The following SMAD1 variants were observed in gnomAD, a reference collection of about 807,000 sequenced individuals.
The protein encoded by SMAD1 is MAD, mothers against decapentaplegic homolog 1.
SMAD1 carries 6 observed loss-of-function variants against 41.6 expected under a neutral mutation model. The observed-to-expected ratio is 0.14, with a 90% CI of 0.08 to 0.28. The LOEUF is 0.28. SMAD1 is among the 10% of genes least tolerant of loss of function. The pLI, the probability that SMAD1 is intolerant of heterozygous loss-of-function variation, is 1.00. For synonymous variants in SMAD1, 206 were observed against 203.2 expected (o/e 1.01, Z -0.12); for missense variants, 379 against 582.6 (o/e 0.65, Z 3.60).
At chr4:145,529,419 G>A (rs1458288867) in intron 2 of SMAD1, among the ~76,000 whole-genome samples, 1 of 152,210 alleles carries the variant, frequency 6.6e-6, no homozygotes, top group African/African-American at 2.4e-5. Context: ...ACAAACTGCT[G>A]TGTGCCACCA....
chr4:145,483,630 C>T (rs1451895156), intron 1 of SMAD1, among the ~76,000 whole-genome samples: 1 of 152,214 alleles, frequency 6.6e-6, no homozygotes, highest in African/African-American at 2.4e-5. Flanking sequence ...CTCCCACTCT[C>T]TTTCCCATTT....
chr4:145,495,994 A>G (rs527890930), intron 1 of SMAD1, among the ~76,000 whole-genome samples: 1 of 152,286 alleles, frequency 6.6e-6, no homozygotes, highest in East Asian at 1.9e-4. Flanking sequence ...ATTTGAACAC[A>G]TACAAGAGCT....
chr4:145,494,791 G>A (rs1560724540), intron 1 of SMAD1, among the ~76,000 whole-genome samples: 1 of 152,224 alleles, frequency 6.6e-6, no homozygotes, highest in Non-Finnish European at 1.5e-5. Flanking sequence ...TATGAACCAT[G>A]TCTTTTATAC....
At chr4:145,522,593 C>T (rs953759342) in intron 2 of SMAD1, among the ~76,000 whole-genome samples, 20 of 152,082 alleles carry the variant, frequency 1.3e-4, no homozygotes, top group Admixed American at 2.6e-4. Context: ...AAGCAAAACT[C>T]TGTCTCCAAA....
intron 3 of SMAD1, among the ~76,000 whole-genome samples, 193 bp from the exon 4 acceptor site, chr4:145,542,389 G>A (rs569823396): frequency 1.3e-5 from 2 of 152,374 alleles, no homozygotes; most frequent in East Asian, 3.9e-4. Flanking sequence ...TCACAAAAAT[G>A]TATATGATTG....
At chr4:145,554,148 C>CAAG in intron 6 of SMAD1, 108 bp downstream of exon 6, 1 of 1,001,230 alleles carries the variant, frequency 1.0e-6, no homozygotes, top group Non-Finnish European at 1.4e-6. Flanking sequence ...AACATATTAT[C>CAAG]ATATTAGCTG....
intron 4 of SMAD1, 120 bp from the exon 5 acceptor site, chr4:145,546,583 A>C: frequency 1.4e-6 from 1 of 736,550 alleles, no homozygotes; most frequent in East Asian, 2.5e-5. Context: ...ATACATTATA[A>C]TAGCAATTGC....
chr4:145,535,192 C>T (rs1731543438), intron 2 of SMAD1, among the ~76,000 whole-genome samples: 1 of 152,202 alleles, frequency 6.6e-6, no homozygotes, highest in East Asian at 1.9e-4. Context: ...GATTCAGAAG[C>T]TTGACAGACT....
At chr4:145,544,042 T>C (rs1257756498) in intron 4 of SMAD1, 1 of 152,226 alleles carries the variant, frequency 6.6e-6, no homozygotes, top group East Asian at 1.9e-4. Flanking sequence ...CATGTCATTA[T>C]ACATTTATCC....
Position 145,514,133 on chromosome 4 carries a change from C to T in SMAD1, c.-176-305C>T, listed in dbSNP as rs1222941044. On this transcript the variant is annotated intron_variant, in intron 1 of 6. Coordinates refer to ENST00000302085, the MANE Select transcript of SMAD1 (RefSeq NM_005900.3). This position sits in a 1 kb window ranked among gnomAD's most constrained non-coding sequence, Gnocchi z 4.7. ...CAGATGATCACCTTCTTGCAGTACC[C>T]TCAGTGTGTGTGCATAGAGGCTGGA... Among the ~76,000 whole-genome samples the T allele has an allele frequency of 6.6e-6, 1 of 152,094 alleles. No individual in the cohort carries two copies. The highest frequency in any genetic ancestry group is 1.5e-5 in the Non-Finnish European group (1 of 68,006).
rs1728220960 is a variant in SMAD1, at chr4:145,482,228, C to G, written c.-177+190C>G. Among the ~76,000 whole-genome samples, 4 of 150,072 alleles carry G rather than the reference C, an allele frequency of 2.7e-5. No homozygotes were observed. In the South Asian group the frequency reaches 8.4e-4, roughly 32 times the overall value. On this transcript the variant is annotated intron_variant, in intron 1 of 6. Coordinates refer to ENST00000302085, the MANE Select transcript of SMAD1 (RefSeq NM_005900.3). This position sits in a 1 kb window ranked among gnomAD's most constrained non-coding sequence, Gnocchi z 4.2. Reference sequence around the variant, plus strand: ...TCTGCGCGGGGCGGGCCGCGACCCCCCCCCCCCATGATGGCGCCTCCCGTC... The same window carrying G: ...TCTGCGCGGGGCGGGCCGCGACCCCGCCCCCCCATGATGGCGCCTCCCGTC...
At chr4:145,499,940 A>G (rs1010363661) in intron 1 of SMAD1, among the ~76,000 whole-genome samples, 5 of 152,158 alleles carry the variant, frequency 3.3e-5, no homozygotes, top group Non-Finnish European at 5.9e-5. Flanking sequence ...GAAGAAAAAA[A>G]TCTCGCTCAG....
At chr4:145,511,507 T>TC (rs1306515919) in intron 1 of SMAD1, among the ~76,000 whole-genome samples, 1 of 152,218 alleles carries the variant, frequency 6.6e-6, no homozygotes, top group Non-Finnish European at 1.5e-5. Context: ...CCTCAAGCTA[T>TC]CCTTCTACCT....
intron 1 of SMAD1, among the ~76,000 whole-genome samples, chr4:145,498,342 A>G (rs1234154552): frequency 2.0e-5 from 3 of 152,252 alleles, no homozygotes; most frequent in African/African-American, 7.2e-5. Flanking sequence ...GAATAGGGTC[A>G]TGTATTTTAC....
At chr4:145,499,807 T>C (rs1729322476) in intron 1 of SMAD1, among the ~76,000 whole-genome samples, 1 of 152,138 alleles carries the variant, frequency 6.6e-6, no homozygotes, top group Non-Finnish European at 1.5e-5. Flanking sequence ...ACTCAACCTG[T>C]ATTCCTGTAC....
intron 6 of SMAD1, 123 bp downstream of exon 6, chr4:145,554,163 A>G (rs994397062): frequency 1.0e-5 from 9 of 880,592 alleles, no homozygotes; most frequent in Non-Finnish European, 1.4e-5. Flanking sequence ...TAGCTGACTT[A>G]TTATCTAGGC....
intron 1 of SMAD1, among the ~76,000 whole-genome samples, chr4:145,488,920 C>G (rs1166833874): frequency 6.6e-6 from 1 of 152,174 alleles, no homozygotes; most frequent in Non-Finnish European, 1.5e-5. Flanking sequence ...ATCAGGACCA[C>G]TGTGGCCTGG....
chr4:145,516,339 A>G (rs535253874), intron 2 of SMAD1, among the ~76,000 whole-genome samples: 2 of 152,298 alleles, frequency 1.3e-5, no homozygotes, highest in South Asian at 2.1e-4. Context: ...TAGATTATAT[A>G]CTTTAGGATT....
At position 145,481,921 on chromosome 4, in the gene SMAD1, CG is replaced by C. The variant is rs1728196598; in HGVS notation, c.-291del. 6.6e-6 allele frequency: 1 copy of C among 152,614 alleles called. No individual in the cohort carries two copies. Among genetic ancestry groups the C allele is most frequent in the African/African-American group, 2.4e-5 (1 of 41,422 alleles). The allele number at this position is 152,614 out of a possible 1,614,324, so 9.5% of individuals were successfully genotyped here. On this transcript the variant is annotated 5_prime_UTR_variant, in exon 1 of 7. Coordinates refer to ENST00000302085, the MANE Select transcript of SMAD1 (RefSeq NM_005900.3). The stretch of plus-strand genomic sequence containing the variant: ...AAAGGAGAGGCCGAGCGGCTCAACC[CG>C]GGCCGAGGCTCGGGGAGCGGAGAGT...
Sources: allele counts gnomAD v4.1 joint callset (sites outside exome capture counted in the v4.1 genomes callset), GRCh38; gene constraint gnomAD v4.1.1; non-coding constraint Gnocchi (gnomAD v3.1); transcripts MANE v1.5; gene names NCBI Gene and HGNC (gene_info 2026-07-23, HGNC 2026-07-21).